CCDC169: variants seen among roughly 807,000 people sequenced by gnomAD.
The protein encoded by CCDC169 is coiled-coil domain containing 169.
CCDC169 carries 30 observed loss-of-function variants against 36.0 expected under a neutral mutation model. The observed-to-expected ratio is 0.83, with a 90% CI of 0.62 to 1.13. The LOEUF (loss-of-function observed/expected upper bound fraction) is 1.13, where lower values mean the gene tolerates loss of function less well. Among genes scored for constraint, CCDC169 ranks in the 50% most tolerant of loss-of-function variants. The pLI is 0.00. For missense variants in CCDC169, 245 were observed against 245.9 expected (o/e 1.00, Z 0.03); for synonymous variants, 85 against 81.5 (o/e 1.04, Z -0.23).
intron 4 of CCDC169, among the ~76,000 whole-genome samples, 179 bp from the exon 5 acceptor site, chr13:36,254,322 C>CTG (rs931485681): frequency 4.8e-5 from 7 of 145,776 alleles, no homozygotes; most frequent in African/African-American, 1.5e-4. Flanking sequence ...GTCACCCAGG[C>CTG]TGGAGTGCAA....
chr13:36,278,287 G>T (rs565082861), intron 4 of CCDC169, among the ~76,000 whole-genome samples: 1 of 152,172 alleles, frequency 6.6e-6, no homozygotes, highest in Non-Finnish European at 1.5e-5. Flanking sequence ...TTTCACAGAT[G>T]AGGAAATTAA....
At chr13:36,254,274 A>AAATTT in intron 4 of CCDC169, 131 bp from the exon 5 acceptor site, 1 of 415,680 alleles carries the variant, frequency 2.4e-6, no homozygotes, top group Non-Finnish European at 4.0e-6. Context: ...TATGATATGT[A>AAATTT]CTTTTTTTTT....
intron 2 of CCDC169, among the ~76,000 whole-genome samples, chr13:36,288,159 T>C (rs1041672611): frequency 6.6e-6 from 1 of 151,880 alleles, no homozygotes; most frequent in Non-Finnish European, 1.5e-5. Flanking sequence ...CAGGCGCCCA[T>C]CACCATGCCT....
At position 36,253,743 on chromosome 13, in the gene CCDC169, T is replaced by C. The variant is rs368819109; in HGVS notation, c.468+60A>G. ...AAACCAAAAACAAAACCTAGAAAAG[T>C]GAAAAACATAATTTACAGTAAGAAG... On this transcript the variant is annotated intron_variant, in intron 6 of 7. Transcript: ENST00000239859. The C allele has an allele frequency of 1.8e-4, 278 of 1,513,570 alleles. No homozygotes were observed. In the African/African-American group the frequency reaches 2.3e-3, roughly 12 times the overall value. The allele number at this position is 1,513,570 out of a possible 1,614,324, so 93.8% of individuals were successfully genotyped here.
intron 4 of CCDC169, chr13:36,267,244 C>T (rs1367050967): frequency 6.6e-6 from 1 of 152,182 alleles, no homozygotes; most frequent in Non-Finnish European, 1.5e-5. Context: ...GCAAGAATGA[C>T]ACACAAATTC....
chr13:36,282,408 T>G, intron 4 of CCDC169: 1 of 985,450 alleles, frequency 1.0e-6, no homozygotes, highest in Non-Finnish European at 1.2e-6. Flanking sequence ...TGGATCCCAA[T>G]GCTTTTTGCT....
intron 6 of CCDC169, among the ~76,000 whole-genome samples, chr13:36,250,637 C>T (rs1247426624): frequency 6.6e-6 from 1 of 152,058 alleles, no homozygotes; most frequent in Admixed American, 6.5e-5. Context: ...CAGTCTGGAA[C>T]CTATGTTATG....
intron 2 of CCDC169, among the ~76,000 whole-genome samples, chr13:36,285,291 G>A (rs962651701): frequency 6.6e-6 from 1 of 152,096 alleles, no homozygotes; most frequent in South Asian, 2.1e-4. Context: ...GCTCACACCT[G>A]TAATCCCACC....
chr13:36,259,718 C>A (rs552545030), intron 4 of CCDC169, among the ~76,000 whole-genome samples: 1 of 151,900 alleles, frequency 6.6e-6, no homozygotes, highest in African/African-American at 2.4e-5. Flanking sequence ...ACTTGGCCCA[C>A]GACCAATCAG....
chr13:36,236,357 C>T (rs1566059390), intron 7 of CCDC169, among the ~76,000 whole-genome samples: 1 of 151,898 alleles, frequency 6.6e-6, no homozygotes. Flanking sequence ...ATGTTACGGT[C>T]AATTGTTTTT....
intron 7 of CCDC169, among the ~76,000 whole-genome samples, chr13:36,232,143 G>T (rs1373155130): frequency 6.6e-6 from 1 of 152,160 alleles, no homozygotes; most frequent in Non-Finnish European, 1.5e-5. Flanking sequence ...CCTATCCACT[G>T]TTCCCCTGAC....
chr13:36,290,684 A>G (rs969037888), intron 2 of CCDC169, among the ~76,000 whole-genome samples: 3 of 152,206 alleles, frequency 2.0e-5, no homozygotes, highest in Non-Finnish European at 2.9e-5. Flanking sequence ...CTCAATGCAG[A>G]GAATTTATAG....
intron 2 of CCDC169, among the ~76,000 whole-genome samples, chr13:36,290,061 T>A (rs1459685447): frequency 6.6e-6 from 1 of 152,178 alleles, no homozygotes; most frequent in Non-Finnish European, 1.5e-5. Flanking sequence ...TAACTAATCC[T>A]TGTGCTATGA....
chr13:36,265,306 A>T lies in CCDC169; in HGVS notation c.316-11163T>A, dbSNP rs1184598174. Among the ~76,000 whole-genome samples, 3 of 152,348 alleles carry T rather than the reference A, an allele frequency of 2.0e-5. No individual in the cohort carries two copies. The East Asian group carries it at 5.8e-4, about 29-fold the overall frequency. ...TTCTTGTTGTGACGACAAGATTGAC[A>T]ACTTTCAAGATATATACACGTTCTA... On this transcript the variant is annotated intron_variant, in intron 4 of 7. Transcript: ENST00000239859.
intron 7 of CCDC169, among the ~76,000 whole-genome samples, chr13:36,233,939 C>T (rs898890342): frequency 6.6e-6 from 1 of 152,144 alleles, no homozygotes; most frequent in Admixed American, 6.6e-5. Context: ...ACTGTGCCAC[C>T]TCTCCTTTCT....
intron 1 of CCDC169, among the ~76,000 whole-genome samples, chr13:36,297,416 A>ATC (rs1426177578): frequency 6.6e-6 from 1 of 152,174 alleles, no homozygotes; most frequent in Non-Finnish European, 1.5e-5. Flanking sequence ...AGGGCAGCAC[A>ATC]TCCTACCCGG....
chr13:36,286,991 A>G (rs1463330084), intron 2 of CCDC169, among the ~76,000 whole-genome samples: 1 of 152,150 alleles, frequency 6.6e-6, no homozygotes, highest in African/African-American at 2.4e-5. Context: ...GAGAAAAAAC[A>G]ATTTTCAACA....
chr13:36,242,935 T>C (rs998738201), intron 7 of CCDC169, among the ~76,000 whole-genome samples: 5 of 152,202 alleles, frequency 3.3e-5, no homozygotes, highest in African/African-American at 1.2e-4. Flanking sequence ...GGTGATCTAC[T>C]TGGTTGTCCT....
At chr13:36,269,842 G>A (rs1191574397) in intron 4 of CCDC169, among the ~76,000 whole-genome samples, 1 of 152,186 alleles carries the variant, frequency 6.6e-6, no homozygotes, top group Non-Finnish European at 1.5e-5. Flanking sequence ...GAAGTTGAAA[G>A]CATTCTCCCT....
Sources: allele counts gnomAD v4.1 joint callset (sites outside exome capture counted in the v4.1 genomes callset), GRCh38; gene constraint gnomAD v4.1.1; transcripts MANE v1.5; gene names NCBI Gene and HGNC (gene_info 2026-07-23, HGNC 2026-07-21).